Variants in ROBO2 observed in about 807,000 individuals in gnomAD.
ROBO2 encodes the protein roundabout homolog 2.
In ROBO2, 53 loss-of-function variants were observed where a neutral mutation model predicts 160.8. The observed-to-expected ratio is 0.33, with a 90% CI of 0.26 to 0.41. The LOEUF is 0.41. Ranked by LOEUF, ROBO2 falls within the 10% of genes least tolerant of loss-of-function variation. The pLI is 1.00. For synonymous variants in ROBO2, 664 were observed against 611.7 expected, an observed-to-expected ratio of 1.09 and a Z score of -1.26; for missense variants, 1,577 against 1,722.4, an observed-to-expected ratio of 0.92 and a Z score of 1.49.
chr3:76,636,972 C>T (rs763159452), intron 2 of ROBO2, among the ~76,000 whole-genome samples: 48 of 151,770 alleles, frequency 3.2e-4, no homozygotes, highest in African/African-American at 9.2e-4. Flanking sequence ...AAAACTGTGG[C>T]GGTGAATTCA....
At chr3:76,113,000 A>G (rs997826611) in intron 2 of ROBO2, among the ~76,000 whole-genome samples, 5 of 152,138 alleles carry the variant, frequency 3.3e-5, no homozygotes, top group African/African-American at 9.6e-5. Flanking sequence ...TATGTTCAGC[A>G]TGAATCGGTT....
At chr3:77,469,986 T>G (rs925559803) in intron 2 of ROBO2, among the ~76,000 whole-genome samples, 1 of 152,146 alleles carries the variant, frequency 6.6e-6, no homozygotes, top group Non-Finnish European at 1.5e-5. Flanking sequence ...TGACACTGAA[T>G]GAACAGTATG....
At chr3:76,369,557 T>A (rs1480951906) in intron 2 of ROBO2, among the ~76,000 whole-genome samples, 2 of 151,928 alleles carry the variant, frequency 1.3e-5, no homozygotes, top group African/African-American at 4.8e-5. Context: ...CAGCTATATA[T>A]CTCTGAGTAG....
chr3:76,329,282 G>A (rs1195774228), intron 2 of ROBO2, among the ~76,000 whole-genome samples: 3 of 152,250 alleles, frequency 2.0e-5, no homozygotes, highest in African/African-American at 7.2e-5. Flanking sequence ...GCAGCGGCGC[G>A]ATCTTAGTTC....
chr3:75,954,796 A>G (rs538345901), intron 2 of ROBO2, among the ~76,000 whole-genome samples: 1 of 152,062 alleles, frequency 6.6e-6, no homozygotes, highest in South Asian at 2.1e-4. Flanking sequence ...AAGGATACTT[A>G]TTAACATCTT....
intron 2 of ROBO2, among the ~76,000 whole-genome samples, chr3:77,120,955 T>A (rs1421033478): frequency 6.6e-6 from 1 of 152,140 alleles, no homozygotes; most frequent in Non-Finnish European, 1.5e-5. Flanking sequence ...ATTATTATTA[T>A]TATTTTTGAG....
chr3:76,566,238 C>G (rs960293247), intron 2 of ROBO2, among the ~76,000 whole-genome samples: 2 of 152,180 alleles, frequency 1.3e-5, no homozygotes, highest in African/African-American at 4.8e-5. Flanking sequence ...ATAATCATGT[C>G]TGCAAGGAGT....
intron 2 of ROBO2, among the ~76,000 whole-genome samples, chr3:76,873,490 G>C (rs933697853): frequency 6.6e-6 from 1 of 152,166 alleles, no homozygotes; most frequent in Non-Finnish European, 1.5e-5. Context: ...CTAGAAACTT[G>C]TGGCACTTCT....
intron 2 of ROBO2, among the ~76,000 whole-genome samples, chr3:76,626,392 A>T (rs2089641910): frequency 6.6e-6 from 1 of 152,170 alleles, no homozygotes; most frequent in Non-Finnish European, 1.5e-5. Context: ...TACATAGAGA[A>T]GACACAGAGC....
intron 2 of ROBO2, among the ~76,000 whole-genome samples, chr3:76,153,166 T>C (rs941018576): frequency 3.3e-5 from 5 of 152,138 alleles, no homozygotes; most frequent in Admixed American, 3.3e-4. Flanking sequence ...AAAGAGATAA[T>C]GTCTATTATT....
intron 1 of ROBO2, among the ~76,000 whole-genome samples, chr3:75,910,056 A>G (rs1262549643): frequency 6.6e-6 from 1 of 152,186 alleles, no homozygotes; most frequent in Non-Finnish European, 1.5e-5. Context: ...AGTTACCCCA[A>G]CTGAGGGGCA....
chr3:76,555,359 A>AG (rs1560140583), intron 2 of ROBO2, among the ~76,000 whole-genome samples: 1 of 12,012 alleles, frequency 8.3e-5, no homozygotes, highest in Non-Finnish European at 1.7e-4. Context: ...GTAGGAAGAG[A>AG]GAAGAAGAAG....
chr3:77,532,314 C>T (rs1175794062), intron 6 of ROBO2, among the ~76,000 whole-genome samples: 5 of 149,676 alleles, frequency 3.3e-5, no homozygotes, highest in Non-Finnish European at 5.9e-5. Flanking sequence ...ATATTTTTTT[C>T]TTGGCTGGGA....
intron 2 of ROBO2, among the ~76,000 whole-genome samples, chr3:77,264,559 A>T (rs573708915): frequency 1.3e-5 from 2 of 152,178 alleles, no homozygotes. Flanking sequence ...ATTCTAAAAA[A>T]GATCTATGTC....
intron 2 of ROBO2, among the ~76,000 whole-genome samples, chr3:77,451,276 G>A (rs1434073928): frequency 6.6e-6 from 1 of 151,964 alleles, no homozygotes; most frequent in Non-Finnish European, 1.5e-5. Flanking sequence ...TTTGAAAAAT[G>A]ATCCCTATCC....
chr3:76,851,218 T>C (rs2069310969), intron 2 of ROBO2, among the ~76,000 whole-genome samples: 1 of 152,216 alleles, frequency 6.6e-6, no homozygotes, highest in African/African-American at 2.4e-5. Context: ...TGAATTCTAA[T>C]CAATTAAAAT....
rs1355548172 is a variant in ROBO2 at position 77,137,248 on chromosome 3, C to G, written c.388+38908C>G. On this transcript the variant is annotated intron_variant, in intron 2 of 25. Transcript: ENST00000461745. ...ATTTGATGATTATTTTTTTTTGAGA[C>G]AGGGTTTTGCTCTTGTTGCCCAGGC... 2.6e-5 allele frequency among the ~76,000 whole-genome samples: 4 copies of G among 151,906 alleles called. No homozygotes were observed. In the East Asian group the frequency reaches 7.7e-4, roughly 29 times the overall value.
At position 76,046,126 on chromosome 3, in the gene ROBO2, C is replaced by T. The variant is rs963841408; in HGVS notation, c.109+108524C>T. Among the ~76,000 whole-genome samples, 18 of 151,984 alleles carry T rather than the reference C, an allele frequency of 1.2e-4. 1 individual carries two copies. The highest frequency in any genetic ancestry group is 4.4e-4 in the African/African-American group (18 of 41,312). On this transcript the variant is annotated intron_variant, in intron 2 of 26. Transcript: ENST00000487694. ...CATATGAGGATGTTTGTGCTACATG[C>T]AATTTTGTTGACTTTTGGAGTGTAA...
intron 2 of ROBO2, among the ~76,000 whole-genome samples, chr3:76,584,058 T>G (rs1427929145): frequency 6.6e-6 from 1 of 152,156 alleles, no homozygotes; most frequent in Non-Finnish European, 1.5e-5. Flanking sequence ...TGCTTCTATT[T>G]AAGCAGCCTT....
Sources: allele counts gnomAD v4.1 joint callset (sites outside exome capture counted in the v4.1 genomes callset), GRCh38; gene constraint gnomAD v4.1.1; transcripts MANE v1.5; gene names NCBI Gene and HGNC (gene_info 2026-07-23, HGNC 2026-07-21).